ATP5MK: variants seen among roughly 807,000 people sequenced by gnomAD.
The protein encoded by ATP5MK is ATP synthase membrane subunit k.
In ATP5MK, 5 loss-of-function variants were observed where a neutral mutation model predicts 6.6. The ratio of observed to expected loss-of-function variants is 0.76; its 90% CI spans 0.40 to 1.60. The LOEUF is 1.60. Ranked by LOEUF, ATP5MK falls within the 40% of genes most tolerant of loss-of-function variation. The pLI, the probability that ATP5MK is intolerant of heterozygous loss-of-function variation, is 0.02. For synonymous variants in ATP5MK, 30 were observed against 24.5 expected (o/e 1.22, Z -0.66); for missense variants, 57 against 66.6 (o/e 0.86, Z 0.50).
Position 103,395,802 on chromosome 10 carries a change from T to C in ATP5MK, c.-66A>G, listed in dbSNP as rs953167049. The C allele has an allele frequency of 6.6e-6, 1 of 152,248 alleles. No individual in the cohort carries two copies. Among genetic ancestry groups the C allele is most frequent in the Non-Finnish European group, 1.5e-5 (1 of 68,042 alleles). The allele number at this position is 152,248 out of a possible 1,614,324, so 9.4% of individuals were successfully genotyped here. On this transcript the variant is annotated 5_prime_UTR_variant, in exon 2 of 5. Transcript: ENST00000369815. The stretch of plus-strand genomic sequence containing the variant: ...CAAAGATGAGTGAGAACCACTCAGG[T>C]AACAGAAGCAGCCTCTTGCATTCAC...
chr10:103,390,813 G>A (rs1173443841), intron 4 of ATP5MK, among the ~76,000 whole-genome samples: 1 of 151,990 alleles, frequency 6.6e-6, no homozygotes, highest in East Asian at 1.9e-4. Flanking sequence ...GTCTGCGAAG[G>A]AGAGCTACAT....
chr10:103,394,310 C>T (rs777377534), intron 2 of ATP5MK: 10 of 534,036 alleles, frequency 1.9e-5, no homozygotes, highest in African/African-American at 3.9e-5. Flanking sequence ...CCACGACCGA[C>T]GCCACGCCGA....
intron 4 of ATP5MK, among the ~76,000 whole-genome samples, chr10:103,390,439 A>G (rs1479324482): frequency 6.6e-6 from 1 of 151,826 alleles, no homozygotes; most frequent in African/African-American, 2.4e-5. Flanking sequence ...GGTTGCAGTG[A>G]TCTGAGATCG....
At chr10:103,391,632 C>G (rs556327240) in intron 4 of ATP5MK, among the ~76,000 whole-genome samples, 1 of 151,712 alleles carries the variant, frequency 6.6e-6, no homozygotes, top group Non-Finnish European at 1.5e-5. Flanking sequence ...CTCAGCCTCC[C>G]GAGTAGCTGG....
At chr10:103,393,590 A>T (rs151282791) in intron 2 of ATP5MK, among the ~76,000 whole-genome samples, 591 of 151,870 alleles carry the variant, frequency 3.9e-3, no homozygotes, top group South Asian at 8.1e-3. Context: ...AAAAAAAAAA[A>T]AAATAAATAA....
intron 2 of ATP5MK, chr10:103,394,053 AG>A: frequency 4.4e-6 from 1 of 226,432 alleles, no homozygotes; most frequent in Non-Finnish European, 9.2e-6. Context: ...CTCTGGGTCC[AG>A]GAATCTATTT....
intron 2 of ATP5MK, among the ~76,000 whole-genome samples, chr10:103,393,572 G>A (rs928882949): frequency 3.4e-5 from 5 of 148,152 alleles, no homozygotes; most frequent in South Asian, 2.1e-4. Flanking sequence ...AGAGCGAGAC[G>A]CCGTCTCAAA....
rs529589886 is a variant in ATP5MK, at chr10:103,396,421, C to A, written c.-309G>T. 1 of 152,494 alleles carries A rather than the reference C, an allele frequency of 6.6e-6. No individual in the cohort carries two copies. Among genetic ancestry groups the A allele is most frequent in the East Asian group, 1.9e-4 (1 of 5,176 alleles). 9.4% of individuals were successfully genotyped at this position (152,494 alleles called of 1,614,324 possible). ...CCTCTTCACCCACCTGCCAAAGCCG[C>A]AAATTCCGCAGCTGGTGTCCTTCAA... On this transcript the variant is annotated 5_prime_UTR_variant, in exon 1 of 5. Transcript: ENST00000369815.
chr10:103,392,879 C>A (rs2093418712), intron 2 of ATP5MK, among the ~76,000 whole-genome samples: 1 of 152,106 alleles, frequency 6.6e-6, no homozygotes, highest in Admixed American at 6.6e-5. Flanking sequence ...CTAAACAGCT[C>A]AATTACAACC....
rs549955776 is a variant in ATP5MK, at chr10:103,393,032, T to C, written c.-9-566A>G. Among the ~76,000 whole-genome samples the C allele has an allele frequency of 2.6e-5, 4 of 151,520 alleles. No homozygotes were observed. The South Asian group carries it at 8.3e-4, about 32-fold the overall frequency. On this transcript the variant is annotated intron_variant, in intron 2 of 4. Transcript: ENST00000369815. ...ATCCTTGCACCACCACCAAAATAGA[T>C]AAAAGATTTAAATGTAAATAGTGAA...
rs560273286 is a variant in ATP5MK, at chr10:103,392,855, C to T, written c.-9-389G>A. ...GAGCTGGTATTTTTCAAACATTCAA[C>T]GGGTGACCATCAACTAAACAGCTCA... On this transcript the variant is annotated intron_variant, in intron 2 of 4. Coordinates refer to ENST00000369815, the MANE Select transcript of ATP5MK (RefSeq NM_001206427.2). Among the ~76,000 whole-genome samples the T allele has an allele frequency of 2.0e-5, 3 of 152,236 alleles. No individual in the cohort carries two copies. The South Asian group carries it at 6.2e-4, about 32-fold the overall frequency.
At chr10:103,389,954 ACTC>A (rs1173182372) in intron 4 of ATP5MK, among the ~76,000 whole-genome samples, 1 of 150,470 alleles carries the variant, frequency 6.6e-6, no homozygotes, top group African/African-American at 2.4e-5. Flanking sequence ...CTGGTCTCGA[ACTC>A]CTGATCTCAG....
At chr10:103,392,083 G>A (rs2093416211) in intron 4 of ATP5MK, 108 bp downstream of exon 4, 2 of 931,146 alleles carry the variant, frequency 2.1e-6, no homozygotes, top group East Asian at 2.6e-5. Flanking sequence ...TTTCTTGTAT[G>A]CTATAAATTT....
intron 2 of ATP5MK, among the ~76,000 whole-genome samples, 197 bp downstream of exon 2, chr10:103,395,549 C>T (rs755422451): frequency 6.6e-6 from 1 of 152,168 alleles, no homozygotes; most frequent in South Asian, 2.1e-4. Flanking sequence ...CTACCCGCCT[C>T]GGCCTCCCAA....
At chr10:103,390,848 T>A (rs561637368) in intron 4 of ATP5MK, among the ~76,000 whole-genome samples, 1 of 151,770 alleles carries the variant, frequency 6.6e-6, no homozygotes, top group African/African-American at 2.4e-5. Context: ...GCATTTGGGC[T>A]TTCCACATAT....
At chr10:103,390,825 A>C (rs1030545286) in intron 4 of ATP5MK, among the ~76,000 whole-genome samples, 9 of 152,136 alleles carry the variant, frequency 5.9e-5, no homozygotes, top group Non-Finnish European at 1.2e-4. Flanking sequence ...GAGCTACATC[A>C]GATGAAGATC....
At chr10:103,389,844 G>T (rs1427420134) in intron 4 of ATP5MK, among the ~76,000 whole-genome samples, 1 of 151,782 alleles carries the variant, frequency 6.6e-6, no homozygotes, top group African/African-American at 2.4e-5. Context: ...TGATTCTCAC[G>T]CCTCAGCCTC....
At chr10:103,392,087 T>C in intron 4 of ATP5MK, 104 bp downstream of exon 4, 2 of 1,041,556 alleles carry the variant, frequency 1.9e-6, no homozygotes, top group Non-Finnish European at 2.8e-6. Context: ...TTGTATGCTA[T>C]AAATTTTGCA....
chr10:103,392,687 A>G (rs1227560162), intron 2 of ATP5MK, among the ~76,000 whole-genome samples: 2 of 152,236 alleles, frequency 1.3e-5, no homozygotes, highest in Non-Finnish European at 2.9e-5. Flanking sequence ...TCGCTATTTC[A>G]TGAACACCTC....
Sources: gnomAD v4.1 joint callset for allele counts (sites outside exome capture counted in the v4.1 genomes callset) on GRCh38, gnomAD v4.1.1 for gene constraint, MANE v1.5 for transcripts, NCBI Gene and HGNC (gene_info 2026-07-23, HGNC 2026-07-21) for gene names.